THBS4: variants seen among roughly 807,000 people sequenced by gnomAD.
The protein encoded by THBS4 is thrombospondin 4.
THBS4 carries 90 observed loss-of-function variants against 115.7 expected under a neutral mutation model. The observed-to-expected ratio is 0.78, with a 90% CI of 0.66 to 0.93. The LOEUF is 0.93. THBS4 is among the 40% of genes least tolerant of loss of function. The pLI is 0.00. For missense variants in THBS4, 1,087 were observed against 1,232.7 expected (o/e 0.88, Z 1.77); for synonymous variants, 460 against 479.3 (o/e 0.96, Z 0.53).
chr5:80,070,876 C>CTGCAGCT, intron 12 of THBS4, 126 bp downstream of exon 12: 1 of 1,559,498 alleles, frequency 6.4e-7, no homozygotes, highest in Non-Finnish European at 8.7e-7. Context: ...TTCCACAGCA[C>CTGCAGCT]TGCAGCTTTT....
intron 20 of THBS4, 86 bp from the exon 21 acceptor site, chr5:80,082,320 T>G (rs564517970): frequency 6.4e-7 from 1 of 1,555,148 alleles, no homozygotes; most frequent in African/African-American, 1.4e-5. Context: ...CAGGTACGTA[T>G]AAGAAGTGGG....
Position 80,035,664 on chromosome 5 carries a change from C to T in THBS4, c.88+39C>T. 1 of 1,281,714 alleles carries T rather than the reference C, an allele frequency of 7.8e-7. No homozygotes were observed. Among genetic ancestry groups the T allele is most frequent in the Non-Finnish European group, 9.9e-7 (1 of 1,005,454 alleles). The allele number at this position is 1,281,714 out of a possible 1,614,324, so 79.4% of individuals were successfully genotyped here. On this transcript the variant is annotated intron_variant, in intron 1 of 21. Coordinates refer to ENST00000350881, the MANE Select transcript of THBS4 (RefSeq NM_003248.6). The surrounding 1 kb of genome is among the most constrained non-coding windows in gnomAD (Gnocchi z 4.6). ...GGTCGGGCCTGGGAGCGCCGGGCACCGGGTGCCCCATCTGCTGAGTGAGTG... is the reference window on the plus strand; with the variant it reads ...GGTCGGGCCTGGGAGCGCCGGGCACTGGGTGCCCCATCTGCTGAGTGAGTG...
chr5:79,992,991 G>C (rs1561286262), intron 1 of THBS4, among the ~76,000 whole-genome samples: 1 of 152,194 alleles, frequency 6.6e-6, no homozygotes, highest in Non-Finnish European at 1.5e-5. Context: ...AAAGCTGAGG[G>C]TCCATATACT....
chr5:80,020,799 C>G (rs1561296045), intron 2 of THBS4, among the ~76,000 whole-genome samples: 1 of 152,164 alleles, frequency 6.6e-6, no homozygotes. Context: ...ATGCAGGCTT[C>G]TAAGGACTAC....
In THBS4 at chr5:80,058,218, G is replaced by T; in HGVS notation, c.553G>T (p.Glu185Ter). 1 of 1,574,368 alleles carries T rather than the reference G, an allele frequency of 6.4e-7. No individual in the cohort carries two copies. The highest frequency in any genetic ancestry group is 1.2e-5 in the South Asian group (1 of 85,688). ...FQRKPQDFLEELKLVVRGSLF... is the reference protein window; with the variant it reads ...FQRKPQDFLE ...TGATTTCTTCCAGGACTTCTTGGAA[G>T]AGCTGAAGCTGGTGGTGAGAGGCTC... The change falls in exon 4 of 22, where the codon GAG becomes TAG. Residue 185 changes from glutamate to a stop codon, truncating the protein, a stop_gained. Coordinates refer to ENST00000350881, the MANE Select transcript of THBS4 (RefSeq NM_003248.6). LOFTEE classifies it high-confidence loss of function.
At chr5:80,032,608 C>A (rs536740339), upstream of THBS4, among the ~76,000 whole-genome samples, 5 of 152,200 alleles carry the variant, frequency 3.3e-5, no homozygotes, top group African/African-American at 1.2e-4. Context: ...CAGCCCCTGG[C>A]AAATCACTAA....
intron 2 of THBS4, among the ~76,000 whole-genome samples, chr5:80,013,635 A>G (rs2438612): frequency 0.25 from 38,540 of 151,936 alleles, 5,569 homozygotes; most frequent in African/African-American, 0.4. Flanking sequence ...CACCCTGGCC[A>G]TGTAGCATGG....
chr5:80,076,720 G>C (rs1353823231), intron 15 of THBS4, 135 bp from the exon 16 acceptor site: 6 of 824,512 alleles, frequency 7.3e-6, no homozygotes, highest in Admixed American at 3.0e-5. Context: ...CTAAGGGAAT[G>C]ACCCCAGTGG....
intron 8 of THBS4, among the ~76,000 whole-genome samples, chr5:80,062,532 A>AT (rs1833670244): frequency 6.6e-6 from 1 of 152,194 alleles, no homozygotes; most frequent in Admixed American, 6.5e-5. Flanking sequence ...AGAGGGCATG[A>AT]TTTTTTTAAG....
Position 80,079,132 on chromosome 5 carries a change from T to C in THBS4, c.2385T>C (p.Tyr795=). 3 of 1,614,234 alleles carry C rather than the reference T, an allele frequency of 1.9e-6. 1 individual carries two copies. Among genetic ancestry groups the C allele is most frequent in the African/African-American group, 2.7e-5 (2 of 75,064 alleles). ...FHVNTQTDDD[Y]AGFIFGYQDS... ...TGAATACCCAGACAGATGATGACTA[T>C]GCAGGCTTTATCTTTGGCTACCAAG... Residue 795 remains tyrosine, a synonymous_variant, in exon 19 of 22, where the codon TAT becomes TAC. Coordinates refer to ENST00000350881, the MANE Select transcript of THBS4 (RefSeq NM_003248.6).
chr5:80,042,623 G>GTAT, intron 2 of THBS4, among the ~76,000 whole-genome samples: 1 of 152,304 alleles, frequency 6.6e-6, no homozygotes, highest in Middle Eastern at 3.4e-3. Context: ...TAGAGGGTAA[G>GTAT]GGGATCGTTA....
chr5:80,073,381 TTTTGG>T, intron 15 of THBS4, 54 bp downstream of exon 15: 1 of 1,559,194 alleles, frequency 6.4e-7, no homozygotes, highest in Non-Finnish European at 8.8e-7. Flanking sequence ...CGGAGAGGGT[TTTTGG>T]TTTGTTTTTT....
chr5:80,054,134 C>T (rs935661414), intron 2 of THBS4, among the ~76,000 whole-genome samples: 13 of 150,982 alleles, frequency 8.6e-5, no homozygotes, highest in Middle Eastern at 3.4e-3. Flanking sequence ...TCTTTTACAA[C>T]CATGGATACC....
At position 80,083,064 on chromosome 5, in the gene THBS4, C is replaced by T. The variant is rs749258214; in HGVS notation, c.2825-16C>T. On this transcript the variant is annotated splice_polypyrimidine_tract_variant and intron_variant, in intron 21 of 21. Coordinates refer to ENST00000350881, the MANE Select transcript of THBS4 (RefSeq NM_003248.6). The stretch of plus-strand genomic sequence containing the variant: ...AAGGAGCCTCGCTAACCTCCCTGTG[C>T]CCATTCCTATTGCAGACACCATCCC... The T allele has an allele frequency of 6.2e-7, 1 of 1,612,418 alleles. No homozygotes were observed. The highest frequency in any genetic ancestry group is 8.5e-7 in the Non-Finnish European group (1 of 1,178,532).
intron 2 of THBS4, among the ~76,000 whole-genome samples, chr5:80,003,970 TAGGG>T (rs531416464): frequency 4.6e-5 from 7 of 152,170 alleles, no homozygotes; most frequent in Non-Finnish European, 1.0e-4. Flanking sequence ...TAGTAAGTAG[TAGGG>T]AGGGTCATTC....
chr5:80,067,929 T>C lies in THBS4; in HGVS notation c.1195-44T>C, dbSNP rs753363398. The C allele has an allele frequency of 2.9e-5, 47 of 1,604,266 alleles. No individual in the cohort carries two copies. In the East Asian group the frequency reaches 1.0e-3, roughly 36 times the overall value. ...TGTACCTTTGCTCAAACTGTACCTT[T>C]GCCCACAGCTTTCAGCTCATCACCT... is the stretch of plus-strand genomic sequence containing the variant. On this transcript the variant is annotated intron_variant, in intron 9 of 21. Transcript: ENST00000350881.
chr5:80,031,262 G>A (rs1832582380), upstream of THBS4, among the ~76,000 whole-genome samples: 2 of 152,122 alleles, frequency 1.3e-5, no homozygotes, highest in Non-Finnish European at 1.5e-5. Context: ...ATGGGCTAGG[G>A]CTTACTGTTG....
At chr5:80,044,773 A>C (rs1355561747) in intron 2 of THBS4, among the ~76,000 whole-genome samples, 1 of 152,094 alleles carries the variant, frequency 6.6e-6, no homozygotes, top group East Asian at 1.9e-4. Flanking sequence ...GGCTTTTGGA[A>C]TAGGATGTAA....
At chr5:80,081,129 A>AT (rs1181554496) in intron 20 of THBS4, among the ~76,000 whole-genome samples, 3 of 152,152 alleles carry the variant, frequency 2.0e-5, no homozygotes, top group Non-Finnish European at 2.9e-5. Context: ...CCTATGTAGG[A>AT]TATTTAGGAA....
Sources: gnomAD v4.1 joint callset for allele counts (sites outside exome capture counted in the v4.1 genomes callset) on GRCh38, gnomAD v4.1.1 for gene constraint, Gnocchi (gnomAD v3.1) non-coding constraint, MANE v1.5 for transcripts, NCBI Gene and HGNC (gene_info 2026-07-23, HGNC 2026-07-21) for gene names.